CUBN: variants seen among roughly 807,000 people sequenced by gnomAD.
CUBN encodes cubilin.
CUBN carries 282 observed loss-of-function variants against 405.3 expected under a neutral mutation model. The observed-to-expected ratio is 0.70, with a 90% CI of 0.63 to 0.77. The LOEUF (loss-of-function observed/expected upper bound fraction) is 0.77, where lower values mean the gene tolerates loss of function less well. Ranked by LOEUF, CUBN falls within the 30% of genes least tolerant of loss-of-function variation. The pLI is 0.00. For missense variants in CUBN, 4,514 were observed against 4,475.2 expected, an observed-to-expected ratio of 1.01 and a Z score of -0.25; for synonymous variants, 1,684 against 1,617.0, an observed-to-expected ratio of 1.04 and a Z score of -0.99.
chr10:16,851,042 T>A (rs577214947), intron 60 of CUBN, among the ~76,000 whole-genome samples, 193 bp downstream of exon 60: 38 of 152,312 alleles, frequency 2.5e-4, no homozygotes, highest in African/African-American at 9.1e-4. Flanking sequence ...GTCACCCATA[T>A]TAAAGATTAA....
In CUBN at chr10:16,990,326, C is replaced by T. The variant is rs748407052; in HGVS notation, c.4350+8G>A. On this transcript the variant is annotated splice_region_variant and intron_variant, in intron 29 of 66. Coordinates refer to ENST00000377833, the MANE Select transcript of CUBN (RefSeq NM_001081.4). ...GGAATGTGCTGAAAAAACCATCTCACTTCCTACCTCCAAGACATCAAAGTT... is the reference window on the plus strand; with the variant it reads ...GGAATGTGCTGAAAAAACCATCTCATTTCCTACCTCCAAGACATCAAAGTT... The T allele has an allele frequency of 4.0e-5, 65 of 1,613,998 alleles. 1 individual carries two copies. In the Middle Eastern group the frequency reaches 6.6e-4, roughly 16 times the overall value.
intron 31 of CUBN, among the ~76,000 whole-genome samples, chr10:16,967,295 A>G (rs1843419902): frequency 6.6e-6 from 1 of 152,230 alleles, no homozygotes; most frequent in South Asian, 2.1e-4. Context: ...TATAAACTCT[A>G]AAAACTTGCA....
chr10:16,923,922 A>C (rs564955868), intron 43 of CUBN, among the ~76,000 whole-genome samples: 1 of 152,236 alleles, frequency 6.6e-6, no homozygotes, highest in African/African-American at 2.4e-5. Context: ...AAGTACAAAA[A>C]TTAGCTGGGC....
At chr10:16,838,670 A>C (rs968342782) in intron 62 of CUBN, among the ~76,000 whole-genome samples, 2 of 152,190 alleles carry the variant, frequency 1.3e-5, no homozygotes, top group African/African-American at 4.8e-5. Flanking sequence ...GTTGAGACGA[A>C]GTCTCACTCT....
chr10:17,104,663 A>T lies in CUBN; in HGVS notation c.1231-58T>A, dbSNP rs552501707. 7 of 1,144,324 alleles carry T rather than the reference A, an allele frequency of 6.1e-6. No individual in the cohort carries two copies. In the East Asian group the frequency reaches 1.5e-4, roughly 25 times the overall value. The allele number at this position is 1,144,324 out of a possible 1,614,324, so 70.9% of individuals were successfully genotyped here. On this transcript the variant is annotated intron_variant, in intron 11 of 66. Transcript: ENST00000377833. ...ACAAATGGATAGACACTAAACTTTA[A>T]TCAACCCAAATAATAGGAATGTAGT... is the stretch of plus-strand genomic sequence containing the variant.
intron 49 of CUBN, among the ~76,000 whole-genome samples, chr10:16,907,020 G>A (rs902139590): frequency 2.0e-5 from 3 of 152,014 alleles, no homozygotes; most frequent in African/African-American, 4.8e-5. Flanking sequence ...TATAATTAGA[G>A]GCCATATCTT....
chr10:16,983,817 G>A (rs1424836724), intron 30 of CUBN, among the ~76,000 whole-genome samples: 7 of 152,220 alleles, frequency 4.6e-5, no homozygotes, highest in Admixed American at 4.6e-4. Context: ...TATGGAGGCT[G>A]GTTAAGAGGT....
intron 19 of CUBN, among the ~76,000 whole-genome samples, chr10:17,071,031 G>GGAA (rs1564503161): frequency 6.6e-6 from 1 of 152,166 alleles, no homozygotes; most frequent in African/African-American, 2.4e-5. Flanking sequence ...ATTAAGGAAG[G>GGAA]TTCCTTCTAC....
intron 29 of CUBN, among the ~76,000 whole-genome samples, chr10:16,988,948 G>A (rs1833505042): frequency 6.6e-6 from 1 of 152,162 alleles, no homozygotes; most frequent in Non-Finnish European, 1.5e-5. Context: ...AGAACATGGA[G>A]GTAAAAATTC....
At chr10:17,105,246 A>G (rs1237557102) in intron 11 of CUBN, among the ~76,000 whole-genome samples, 2 of 152,184 alleles carry the variant, frequency 1.3e-5, no homozygotes, top group Admixed American at 6.5e-5. Flanking sequence ...TAGTTTTAGT[A>G]CTTCATAAAC....
chr10:16,831,266 G>A lies in CUBN; in HGVS notation c.10514C>T (p.Thr3505Ile), dbSNP rs768521979. The A allele has an allele frequency of 1.9e-6, 3 of 1,613,808 alleles. No individual in the cohort carries two copies. The highest frequency in any genetic ancestry group is 1.1e-5 in the South Asian group (1 of 91,084). ...AAATGTCTTACCAGAGGGTGATGAA[G>A]TCCAGATGATTTCATATCCACGATC... ...TSDRGYEIIW[T>I]SSPSGCGGTL... The change falls in exon 65 of 67, where the codon ACT becomes ATT. Residue 3505 changes from threonine to isoleucine, a missense_variant. By Grantham distance (89) the Thr-to-Ile change is moderately conservative. Transcript: ENST00000377833.
At chr10:16,986,866 C>G (rs1459094008) in intron 29 of CUBN, among the ~76,000 whole-genome samples, 12 of 152,340 alleles carry the variant, frequency 7.9e-5, no homozygotes, top group Non-Finnish European at 4.4e-5. Context: ...GTGTTAAGTT[C>G]TAACAAAGAA....
In CUBN at chr10:17,122,863, C is replaced by T; in HGVS notation, c.525G>A (p.Glu175=). The T allele has an allele frequency of 6.2e-7, 1 of 1,612,768 alleles. No homozygotes were observed. Among genetic ancestry groups the T allele is most frequent in the Non-Finnish European group, 8.5e-7 (1 of 1,179,326 alleles). The part of the protein sequence containing the change: ...PLCSADVNEC[E]IYSGTPLSCQ... ...AGCTCAAGGGTGTTCCTGAGTAAAT[C>T]TCACATTCGTTAACATCAGCTGAGC... Residue 175 remains glutamate, a synonymous_variant, in exon 6 of 67, where the codon GAG becomes GAA. Transcript: ENST00000377833.
In CUBN at chr10:17,038,926, C is replaced by T. The variant is rs528933742; in HGVS notation, c.4017+2107G>A. On this transcript the variant is annotated intron_variant, in intron 27 of 66. Transcript: ENST00000377833. ...TGGCATGACCATAACATGACAGACA[C>T]GTCATCCATAAGGGGCTCTAATGAG... is the stretch of plus-strand genomic sequence containing the variant. Among the ~76,000 whole-genome samples, 5 of 152,284 alleles carry T rather than the reference C, an allele frequency of 3.3e-5. No individual in the cohort carries two copies. In the South Asian group the frequency reaches 8.3e-4, roughly 25 times the overall value.
At chr10:16,923,575 A>G (rs1415395782) in intron 43 of CUBN, among the ~76,000 whole-genome samples, 2 of 152,176 alleles carry the variant, frequency 1.3e-5, no homozygotes, top group Non-Finnish European at 2.9e-5. Flanking sequence ...AGGTTGTGAA[A>G]TCAAAAGACT....
chr10:17,085,711 T>G lies in CUBN; in HGVS notation c.1996A>C (p.Thr666Pro), dbSNP rs925348211. ...YQDPLLGKFC[T>P]TFSVPPLQTT... ...TGGAGCGGTGGGACAGAGAAAGTGG[T>G]GCAGAACTTCCCAAGAAGGGGGTCC... The change falls in exon 16 of 67, where the codon ACC (threonine) becomes CCC (proline). Residue 666 changes from threonine to proline, a missense_variant. Physicochemically the swap from Thr to Pro is conservative, Grantham distance 38 (BLOSUM62 -1). This residue lies in a region of CUBN where 1,448 missense variants were observed against 1,388.0 expected (regional missense o/e 1.04). Transcript: ENST00000377833. 4 of 1,613,904 alleles carry G rather than the reference T, an allele frequency of 2.5e-6. No individual in the cohort carries two copies. The African/African-American group carries it at 4.0e-5, about 16-fold the overall frequency.
intron 59 of CUBN, among the ~76,000 whole-genome samples, chr10:16,865,290 T>G (rs1588600584): frequency 1.3e-5 from 2 of 152,084 alleles, no homozygotes; most frequent in East Asian, 3.9e-4. Context: ...TATTTATACA[T>G]TTGTTGGACT....
chr10:16,965,210 C>A (rs1843353940), intron 31 of CUBN, among the ~76,000 whole-genome samples: 1 of 152,160 alleles, frequency 6.6e-6, no homozygotes, highest in South Asian at 2.1e-4. Flanking sequence ...ACTACAACAC[C>A]CTGAAATTTC....
Position 16,840,391 on chromosome 10 carries a change from G to C in CUBN, c.9971C>G (p.Ala3324Gly). The C allele has an allele frequency of 6.2e-7, 1 of 1,614,134 alleles. No individual in the cohort carries two copies. Among genetic ancestry groups the C allele is most frequent in the Non-Finnish European group, 8.5e-7 (1 of 1,180,002 alleles). Reference sequence around the variant, plus strand: ...GCAGTCTTGCGAGGTCAGCTGTAATGCCCACACAGTTATCTTGACCTGCTG... The same window carrying C: ...GCAGTCTTGCGAGGTCAGCTGTAATCCCCACACAGTTATCTTGACCTGCTG... ...PHQQVKITVW[A>G]LQLTSQDCTQ... is the part of the protein sequence containing the mutation. Residue 3324 changes from alanine (A) to glycine (G), a missense_variant, in exon 62 of 67, where the codon GCA (alanine) becomes GGA (glycine). Transcript: ENST00000377833.
Sources: gnomAD v4.1 joint callset for allele counts (sites outside exome capture counted in the v4.1 genomes callset) on GRCh38, gnomAD v4.1.1 for gene constraint, gnomAD v4.1.1 regional missense constraint, MANE v1.5 for transcripts, NCBI Gene and HGNC (gene_info 2026-07-23, HGNC 2026-07-21) for gene names.